Variants in CCSER1 observed in about 807,000 individuals in gnomAD.
CCSER1 encodes the protein coiled-coil serine rich protein 1.
A neutral mutation model predicts 82.0 loss-of-function variants in CCSER1; 41 were observed. The observed-to-expected ratio is 0.50, with a 90% CI of 0.39 to 0.65. The LOEUF (loss-of-function observed/expected upper bound fraction) is 0.65. Ranked by LOEUF, CCSER1 falls within the 30% of genes least tolerant of loss-of-function variation. The pLI, the probability that CCSER1 is intolerant of heterozygous loss-of-function variation, is 0.00. For synonymous variants in CCSER1, 414 were observed against 383.9 expected (o/e 1.08, Z -0.92); for missense variants, 1,119 against 1,064.2 (o/e 1.05, Z -0.72).
intron 10 of CCSER1, among the ~76,000 whole-genome samples, chr4:91,234,213 C>T (rs546036074): frequency 4.6e-5 from 7 of 152,098 alleles, no homozygotes; most frequent in African/African-American, 1.7e-4. Context: ...TCTCCTTGTT[C>T]GCTTCAGTCT....
In CCSER1 at chr4:90,933,028, GAAAGAAAGAAAGAAAGA is replaced by G. The variant is rs1730352316; in HGVS notation, c.2172+9582_2172+9598del. 1.3e-4 allele frequency among the ~76,000 whole-genome samples: 11 copies of G among 87,000 alleles called. 4 individuals are homozygous for G. Among genetic ancestry groups the G allele is most frequent in the Non-Finnish European group, 2.0e-4 (9 of 45,188 alleles). The allele number at this position is 87,000 out of a possible 152,430, so 57.1% of individuals were successfully genotyped here. A position where few individuals can be genotyped will look rare whatever the true frequency, so the allele number is the denominator to read the frequency against. On this transcript the variant is annotated intron_variant, in intron 9 of 10. Coordinates refer to ENST00000509176, the MANE Select transcript of CCSER1 (RefSeq NM_001145065.2). ...AGAAAGAAAGAAAGAAAGAAAGAAA[GAAAGAAAGAAAGAAAGA>G]GAAGGAAGGAACGAAGGAAAGAAGA...
At chr4:90,270,346 A>C (rs1424222206) in intron 1 of CCSER1, among the ~76,000 whole-genome samples, 1 of 152,162 alleles carries the variant, frequency 6.6e-6, no homozygotes, top group African/African-American at 2.4e-5. Flanking sequence ...CCAGGGATGC[A>C]AGGATGATTC....
intron 10 of CCSER1, among the ~76,000 whole-genome samples, chr4:91,264,554 A>AT (rs1741428537): frequency 6.6e-6 from 1 of 152,072 alleles, no homozygotes; most frequent in African/African-American, 2.4e-5. Flanking sequence ...AATCCTGGAT[A>AT]TTTTTCCCAT....
intron 5 of CCSER1, among the ~76,000 whole-genome samples, chr4:90,574,251 ATTTTTTTTTTTTTTTTT>A (rs777629017): frequency 1.2e-5 from 1 of 86,048 alleles, no homozygotes; most frequent in Non-Finnish European, 2.0e-5. Context: ...AAACACATTA[ATTTTTTTTTTTTTTTTT>A]TTTTTTTTTT....
intron 8 of CCSER1, among the ~76,000 whole-genome samples, chr4:90,877,900 T>C (rs1720588957): frequency 6.6e-6 from 1 of 152,080 alleles, no homozygotes; most frequent in South Asian, 2.1e-4. Flanking sequence ...GTCCCTTTAG[T>C]TTTAGTGGAA....
chr4:90,168,184 A>G (rs181622878), intron 1 of CCSER1, among the ~76,000 whole-genome samples: 5 of 152,134 alleles, frequency 3.3e-5, no homozygotes, highest in East Asian at 1.9e-4. Flanking sequence ...GTGTGAGATG[A>G]TATCTCATTG....
At chr4:90,246,398 A>G (rs980001661) in intron 1 of CCSER1, among the ~76,000 whole-genome samples, 2 of 152,160 alleles carry the variant, frequency 1.3e-5, no homozygotes, top group Admixed American at 6.6e-5. Flanking sequence ...TAAAATACAA[A>G]GTTTACTCAT....
intron 10 of CCSER1, among the ~76,000 whole-genome samples, chr4:91,151,119 G>T (rs1730144514): frequency 6.6e-6 from 1 of 151,994 alleles, no homozygotes; most frequent in Non-Finnish European, 1.5e-5. Flanking sequence ...TTGGTTGGTA[G>T]GCTATTAATT....
intron 4 of CCSER1, among the ~76,000 whole-genome samples, chr4:90,424,425 T>C (rs1299505988): frequency 6.6e-6 from 1 of 152,226 alleles, no homozygotes; most frequent in Non-Finnish European, 1.5e-5. Context: ...AGGTAAAATA[T>C]GTATCATCCT....
At chr4:91,493,216 A>G (rs1265743451) in intron 10 of CCSER1, among the ~76,000 whole-genome samples, 3 of 151,894 alleles carry the variant, frequency 2.0e-5, no homozygotes, top group Non-Finnish European at 4.4e-5. Context: ...TGTTAGATTT[A>G]TACACACATA....
intron 10 of CCSER1, among the ~76,000 whole-genome samples, chr4:91,597,866 C>T (rs891072309): frequency 6.6e-6 from 1 of 152,128 alleles, no homozygotes; most frequent in Non-Finnish European, 1.5e-5. Flanking sequence ...TGGGTGCTAG[C>T]TTGTAATCTT....
intron 9 of CCSER1, among the ~76,000 whole-genome samples, chr4:91,035,521 G>A (rs998574909): frequency 3.3e-5 from 5 of 152,096 alleles, no homozygotes; most frequent in Admixed American, 6.6e-5. Context: ...GATTATTATC[G>A]CGGAAATCTC....
intron 10 of CCSER1, among the ~76,000 whole-genome samples, chr4:91,466,890 G>A (rs564703642): frequency 3.2e-3 from 484 of 152,290 alleles, no homozygotes; most frequent in Non-Finnish European, 4.7e-3. Flanking sequence ...CCATGCTCAT[G>A]GAGAGGAGGA....
chr4:91,371,438 T>C (rs370859937), intron 10 of CCSER1, among the ~76,000 whole-genome samples: 12 of 152,306 alleles, frequency 7.9e-5, no homozygotes, highest in African/African-American at 2.4e-4. Flanking sequence ...CTATTTTTCA[T>C]GTACCTGGCT....
intron 10 of CCSER1, among the ~76,000 whole-genome samples, chr4:91,249,389 TC>T (rs1740075693): frequency 6.6e-6 from 1 of 152,150 alleles, no homozygotes; most frequent in African/African-American, 2.4e-5. Flanking sequence ...TTCAGTTTAA[TC>T]TTAGAAAGTT....
intron 10 of CCSER1, among the ~76,000 whole-genome samples, chr4:91,584,807 C>T (rs781125197): frequency 6.6e-6 from 1 of 150,772 alleles, no homozygotes; most frequent in Non-Finnish European, 1.5e-5. Flanking sequence ...TTTTTCAGAG[C>T]CTTAAAAATT....
In CCSER1 at chr4:91,604,312, T is replaced by C. The variant is rs894904030; in HGVS notation, c.*5255T>C. The stretch of plus-strand genomic sequence containing the variant: ...AATCTCCTTTACTCCTAAACTTCCA[T>C]TGATATTGCTAGGGACAAAAAATTA... On this transcript the variant is annotated 3_prime_UTR_variant, in exon 11 of 11. Coordinates refer to ENST00000509176, the MANE Select transcript of CCSER1 (RefSeq NM_001145065.2). The C allele has an allele frequency of 2.0e-5, 3 of 152,120 alleles. No individual in the cohort carries two copies. The highest frequency in any genetic ancestry group is 4.4e-5 in the Non-Finnish European group (3 of 67,978). The allele number at this position is 152,120 out of a possible 1,614,324, so 9.4% of individuals were successfully genotyped here.
rs181792555 is a variant in CCSER1, at chr4:91,564,079, T to C, written c.2218-34493T>C. On this transcript the variant is annotated intron_variant, in intron 10 of 10. Transcript: ENST00000509176. ...ATAGACCCCAGTGTCTGTTGTTTTC[T>C]ACTCTGTGTTTATAAGTTCTTATCA... is the stretch of plus-strand genomic sequence containing the variant. Among the ~76,000 whole-genome samples, 99 of 151,964 alleles carry C rather than the reference T, an allele frequency of 6.5e-4. 1 individual carries two copies. The Middle Eastern group carries it at 0.044, about 68-fold the overall frequency.
At chr4:90,986,109 C>A (rs991426598) in intron 9 of CCSER1, among the ~76,000 whole-genome samples, 1 of 151,620 alleles carries the variant, frequency 6.6e-6, no homozygotes, top group Non-Finnish European at 1.5e-5. Flanking sequence ...AGTCATAAAA[C>A]TTCATCAGTT....
Sources: allele counts gnomAD v4.1 joint callset (sites outside exome capture counted in the v4.1 genomes callset), GRCh38; gene constraint gnomAD v4.1.1; transcripts MANE v1.5; gene names NCBI Gene and HGNC (gene_info 2026-07-23, HGNC 2026-07-21).